Variants in ZBTB20 observed in about 807,000 individuals in gnomAD.
ZBTB20 encodes the protein zinc finger and BTB domain-containing protein 20.
Under a neutral mutation model 56.9 loss-of-function variants are expected in ZBTB20, and 9 were observed. The ratio of observed to expected loss-of-function variants is 0.16; its 90% CI spans 0.10 to 0.28. The LOEUF is 0.28. Ranked by LOEUF, ZBTB20 falls within the 10% of genes least tolerant of loss-of-function variation. The probability of loss-of-function intolerance (pLI) is 1.00; values close to 1 mark genes in which losing one functional copy is unlikely to be tolerated. For synonymous variants in ZBTB20, 417 were observed against 420.7 expected, an observed-to-expected ratio of 0.99 and a Z score of 0.11; for missense variants, 655 against 1,003.0, an observed-to-expected ratio of 0.65 and a Z score of 4.69.
At chr3:114,371,887 C>A (rs1277442054) in intron 10 of ZBTB20, among the ~76,000 whole-genome samples, 4 of 136,682 alleles carry the variant, frequency 2.9e-5, no homozygotes, top group African/African-American at 5.5e-5. Flanking sequence ...TCAGAGAGAA[C>A]AAATGATTCA....
chr3:114,544,683 T>C (rs1315144763), intron 6 of ZBTB20, among the ~76,000 whole-genome samples: 10 of 152,014 alleles, frequency 6.6e-5, no homozygotes, highest in Admixed American at 6.6e-4. Context: ...TTTGTATTTT[T>C]TTGTAGAGAT....
intron 7 of ZBTB20, among the ~76,000 whole-genome samples, chr3:114,390,553 T>C (rs10934271): frequency 0.093 from 14,083 of 152,182 alleles, 966 homozygotes; most frequent in African/African-American, 0.19. Context: ...ATTTTCTTTC[T>C]TCTGTTCTCT....
At chr3:114,750,693 A>C (rs1410004398) in intron 5 of ZBTB20, among the ~76,000 whole-genome samples, 2 of 152,156 alleles carry the variant, frequency 1.3e-5, no homozygotes, top group Non-Finnish European at 2.9e-5. Flanking sequence ...CAGAATTTTG[A>C]ATTTAGCAAT....
In ZBTB20 at chr3:114,833,696, A is replaced by AT. The variant is rs60104867; in HGVS notation, c.-416-32523dup. ...AGATGCATACCACTACACCTAGCTAATTTTTTTTTTTTTTTTTTTTTGAGA... is the reference window on the plus strand; with the variant it reads ...AGATGCATACCACTACACCTAGCTAATTTTTTTTTTTTTTTTTTTTTTGAGA... On this transcript the variant is annotated intron_variant, in intron 4 of 11. Coordinates refer to ENST00000675478, the MANE Select transcript of ZBTB20 (RefSeq NM_001348800.3). 1.4e-3 allele frequency among the ~76,000 whole-genome samples: 172 copies of AT among 125,230 alleles called. 1 individual carries two copies. The highest frequency in any genetic ancestry group is 4.2e-3 in the African/African-American group (144 of 34,476). 82.2% of individuals were successfully genotyped at this position (125,230 alleles called of 152,430 possible).
chr3:114,982,895 G>T (rs76650224), intron 2 of ZBTB20, among the ~76,000 whole-genome samples: 2,063 of 152,028 alleles, frequency 0.014, 51 homozygotes, highest in African/African-American at 0.047. Context: ...GGCTGGGAAT[G>T]AGAACCTGGT....
At chr3:114,983,554 A>T (rs78410993) in intron 2 of ZBTB20, among the ~76,000 whole-genome samples, 1,618 of 152,076 alleles carry the variant, frequency 0.011, 17 homozygotes, top group African/African-American at 0.031. Context: ...CAAGCAAAGC[A>T]CCTGATCAGT....
chr3:115,036,266 A>G (rs573860629), intron 2 of ZBTB20, among the ~76,000 whole-genome samples: 1 of 152,220 alleles, frequency 6.6e-6, no homozygotes, highest in South Asian at 2.1e-4. Flanking sequence ...AAAAAGTTGA[A>G]AAAAAAATGA....
At chr3:114,831,737 G>A (rs982282926) in intron 4 of ZBTB20, among the ~76,000 whole-genome samples, 3 of 151,970 alleles carry the variant, frequency 2.0e-5, no homozygotes, top group African/African-American at 7.2e-5. Context: ...AGCTCAACTA[G>A]AAAAGGCACT....
intron 10 of ZBTB20, among the ~76,000 whole-genome samples, chr3:114,368,068 A>C (rs1043045902): frequency 1.3e-5 from 2 of 152,150 alleles, no homozygotes; most frequent in Admixed American, 1.3e-4. Flanking sequence ...TGTAGCCGAC[A>C]CTCAAATTCA....
intron 6 of ZBTB20, among the ~76,000 whole-genome samples, chr3:114,640,660 C>A (rs1345296124): frequency 1.3e-5 from 2 of 151,804 alleles, no homozygotes; most frequent in Non-Finnish European, 2.9e-5. Context: ...ATGGGGTTAC[C>A]CTGTATATAA....
At chr3:115,031,840 T>C (rs1465848581) in intron 2 of ZBTB20, among the ~76,000 whole-genome samples, 1 of 151,414 alleles carries the variant, frequency 6.6e-6, no homozygotes, top group Non-Finnish European at 1.5e-5. Context: ...TGGAAAAAAA[T>C]GTGCTTCCAT....
At chr3:114,595,259 C>A (rs561346016) in intron 6 of ZBTB20, among the ~76,000 whole-genome samples, 1 of 152,182 alleles carries the variant, frequency 6.6e-6, no homozygotes, top group Non-Finnish European at 1.5e-5. Flanking sequence ...CTGGAGGCCA[C>A]ATTTATAGCT....
chr3:115,106,728 T>C (rs969267497), intron 1 of ZBTB20, among the ~76,000 whole-genome samples: 2 of 152,116 alleles, frequency 1.3e-5, no homozygotes, highest in African/African-American at 2.4e-5. Context: ...GAAGTACATT[T>C]ATTATGGCCA....
intron 2 of ZBTB20, among the ~76,000 whole-genome samples, chr3:115,048,618 G>A (rs1409567765): frequency 6.6e-6 from 1 of 152,042 alleles, no homozygotes; most frequent in Non-Finnish European, 1.5e-5. Flanking sequence ...GCAACCATAA[G>A]CTTCACAAAA....
In ZBTB20 at chr3:114,487,454, ACTGT is replaced by A. The variant is rs542628903; in HGVS notation, c.-255+12894_-255+12897del. ...CCTCTCTTTTGCTTCCTTTCTGGAC[ACTGT>A]CTAAGGATTTAAAACACACATGACT... On this transcript the variant is annotated intron_variant, in intron 7 of 11. Coordinates refer to ENST00000675478, the MANE Select transcript of ZBTB20 (RefSeq NM_001348800.3). 1.8e-3 allele frequency among the ~76,000 whole-genome samples: 268 copies of A among 152,308 alleles called. 1 individual carries two copies. The highest frequency in any genetic ancestry group is 6.1e-3 in the African/African-American group (254 of 41,570).
In ZBTB20 at chr3:114,316,541, A is replaced by G. The variant is rs149509568; in HGVS notation, c.*22464T>C. 7 of 533,806 alleles carry G rather than the reference A, an allele frequency of 1.3e-5. No individual in the cohort carries two copies. In the African/African-American group the frequency reaches 1.3e-4, roughly 10 times the overall value. The allele number at this position is 533,806 out of a possible 1,614,324, so 33.1% of individuals were successfully genotyped here. The stretch of plus-strand genomic sequence containing the variant: ...ATGTGGATACATATAGGAAGTGTGT[A>G]TACATTTATACATAATATAGTGTAT... On this transcript the variant is annotated 3_prime_UTR_variant, in exon 12 of 12. Coordinates refer to ENST00000675478, the MANE Select transcript of ZBTB20 (RefSeq NM_001348800.3).
At chr3:114,602,444 G>C (rs775091812) in intron 6 of ZBTB20, among the ~76,000 whole-genome samples, 2 of 151,960 alleles carry the variant, frequency 1.3e-5, no homozygotes, top group Non-Finnish European at 2.9e-5. Flanking sequence ...ACTCCTAACT[G>C]TTTAGGATTC....
intron 4 of ZBTB20, among the ~76,000 whole-genome samples, chr3:114,818,744 A>C (rs2073082414): frequency 6.6e-6 from 1 of 151,978 alleles, no homozygotes; most frequent in Non-Finnish European, 1.5e-5. Context: ...ATATGAAAAA[A>C]AACTAGAGAT....
chr3:115,131,156 T>G (rs1405676142), intron 1 of ZBTB20, among the ~76,000 whole-genome samples: 1 of 152,216 alleles, frequency 6.6e-6, no homozygotes, highest in Non-Finnish European at 1.5e-5. Flanking sequence ...AACTTTTCTT[T>G]TCCTTTATTT....
Sources: allele counts gnomAD v4.1 joint callset (sites outside exome capture counted in the v4.1 genomes callset), GRCh38; gene constraint gnomAD v4.1.1; transcripts MANE v1.5; gene names NCBI Gene and HGNC (gene_info 2026-07-23, HGNC 2026-07-21).